Variants in ZNF667 observed in about 807,000 individuals in gnomAD.
The protein encoded by ZNF667 is zinc finger protein 667.
A neutral mutation model predicts 31.8 loss-of-function variants in ZNF667; 13 were observed. That is an observed-to-expected ratio of 0.41 (90% CI 0.27 to 0.65). The LOEUF (loss-of-function observed/expected upper bound fraction) is 0.65. ZNF667 is among the 30% of genes least tolerant of loss of function. The pLI is 0.32. For missense variants in ZNF667, 642 were observed against 725.6 expected (o/e 0.88, Z 1.32); for synonymous variants, 228 against 247.1 (o/e 0.92, Z 0.73).
At chr19:56,459,257 T>C (rs2042994911) in intron 5 of ZNF667, among the ~76,000 whole-genome samples, 1 of 152,216 alleles carries the variant, frequency 6.6e-6, no homozygotes, top group Admixed American at 6.5e-5. Flanking sequence ...TTCCTGAGAA[T>C]TGAGTCAGAA....
intron 6 of ZNF667, chr19:56,444,109 A>G (rs2042673953): frequency 2.5e-6 from 1 of 397,214 alleles, no homozygotes; most frequent in African/African-American, 2.1e-5. Context: ...TTAAATACAT[A>G]TATTACTAAA....
At chr19:56,454,760 C>G in intron 6 of ZNF667, among the ~76,000 whole-genome samples, 1 of 148,734 alleles carries the variant, frequency 6.7e-6, no homozygotes, top group Non-Finnish European at 1.5e-5. Flanking sequence ...GGACATTGGT[C>G]TGGGCAAATA....
At chr19:56,473,646 G>A (rs2043340354) in intron 2 of ZNF667, among the ~76,000 whole-genome samples, 1 of 152,122 alleles carries the variant, frequency 6.6e-6, no homozygotes, top group Non-Finnish European at 1.5e-5. Context: ...AGTGAGTGGA[G>A]GCCAGGGATG....
At chr19:56,460,556 G>T in intron 5 of ZNF667, 133 bp downstream of exon 5, 1 of 988,440 alleles carries the variant, frequency 1.0e-6, no homozygotes, top group Non-Finnish European at 1.4e-6. Flanking sequence ...GAATTGTATA[G>T]TATGTGAATT....
intron 6 of ZNF667, among the ~76,000 whole-genome samples, chr19:56,447,855 TA>T (rs1196233868): frequency 2.0e-5 from 3 of 152,100 alleles, no homozygotes; most frequent in Non-Finnish European, 4.4e-5. Context: ...CACTCCAGCC[TA>T]GGTGACAGAG....
At chr19:56,455,066 A>G (rs1459253012) in intron 6 of ZNF667, among the ~76,000 whole-genome samples, 1 of 152,246 alleles carries the variant, frequency 6.6e-6, no homozygotes, top group East Asian at 1.9e-4. Flanking sequence ...GCAAACAGGC[A>G]TATGAGAAAG....
chr19:56,471,130 T>C (rs376177404), intron 3 of ZNF667, among the ~76,000 whole-genome samples: 8 of 152,004 alleles, frequency 5.3e-5, no homozygotes, highest in East Asian at 3.9e-4. Flanking sequence ...TCTCACGAGA[T>C]CCAGTTGTTT....
chr19:56,460,991 A>G (rs1019933863), intron 4 of ZNF667, among the ~76,000 whole-genome samples, 176 bp from the exon 5 acceptor site: 2 of 152,228 alleles, frequency 1.3e-5, no homozygotes, highest in Admixed American at 6.5e-5. Context: ...ATAAAATACA[A>G]TATAAGACAT....
chr19:56,455,580 C>T (rs2042914247), intron 6 of ZNF667, among the ~76,000 whole-genome samples: 1 of 152,122 alleles, frequency 6.6e-6, no homozygotes, highest in African/African-American at 2.4e-5. Context: ...AACAATTGAA[C>T]TCATGGATAT....
rs989923576 is a variant in ZNF667 at position 56,471,429 on chromosome 19, G to A, written c.-60+270C>T. Reference sequence around the variant, plus strand: ...ACCTGGCATGGGGCTGAATGGCTTGGGTGAGCCAGCTCCAGCACACCACTG... The same window carrying A: ...ACCTGGCATGGGGCTGAATGGCTTGAGTGAGCCAGCTCCAGCACACCACTG... On this transcript the variant is annotated intron_variant, in intron 3 of 6. Coordinates refer to ENST00000504904, the MANE Select transcript of ZNF667 (RefSeq NM_001321356.2). 3.9e-5 allele frequency among the ~76,000 whole-genome samples: 6 copies of A among 152,304 alleles called. No homozygotes were observed. The South Asian group carries it at 1.2e-3, about 32-fold the overall frequency.
intron 3 of ZNF667, among the ~76,000 whole-genome samples, chr19:56,464,407 T>C (rs545197317): frequency 3.3e-5 from 5 of 152,126 alleles, no homozygotes; most frequent in Admixed American, 6.5e-5. Flanking sequence ...GATGGGAGGA[T>C]TGCTTGAGCC....
chr19:56,473,355 C>T (rs1199700210), intron 2 of ZNF667, among the ~76,000 whole-genome samples: 1 of 151,976 alleles, frequency 6.6e-6, no homozygotes, highest in Non-Finnish European at 1.5e-5. Context: ...AGTCAAAATA[C>T]GTAACACATT....
At chr19:56,462,530 C>G (rs979465486) in intron 3 of ZNF667, 101 bp from the exon 4 acceptor site, 1 of 748,552 alleles carries the variant, frequency 1.3e-6, no homozygotes, top group Non-Finnish European at 2.4e-6. Flanking sequence ...CACATATGCA[C>G]GTGCACACAC....
At chr19:56,475,050 C>G (rs1457685211) in intron 1 of ZNF667, 2 of 152,140 alleles carry the variant, frequency 1.3e-5, no homozygotes, top group Non-Finnish European at 2.9e-5. Flanking sequence ...GCTGGTGGTC[C>G]TTCCTGGCTC....
At position 56,470,792 on chromosome 19, in the gene ZNF667, G is replaced by A. The variant is rs569368203; in HGVS notation, c.-60+907C>T. 1.4e-4 allele frequency among the ~76,000 whole-genome samples: 21 copies of A among 152,330 alleles called. No individual in the cohort carries two copies. The South Asian group carries it at 1.9e-3, about 14-fold the overall frequency. ...GCCTTCGATTCTGACTTTTCTGAGC[G>A]AGGTTTCCTTCGTACAGAGATGGGG... On this transcript the variant is annotated intron_variant, in intron 3 of 6. Coordinates refer to ENST00000504904, the MANE Select transcript of ZNF667 (RefSeq NM_001321356.2).
intron 3 of ZNF667, among the ~76,000 whole-genome samples, chr19:56,467,491 C>T (rs1027632584): frequency 6.6e-6 from 1 of 152,140 alleles, no homozygotes; most frequent in Non-Finnish European, 1.5e-5. Flanking sequence ...TGCAGCGGCC[C>T]CAGCTGGGTG....
At chr19:56,462,517 G>GCACACATATGCACGTGCACACA in intron 3 of ZNF667, 88 bp from the exon 4 acceptor site, 1 of 795,934 alleles carries the variant, frequency 1.3e-6, no homozygotes, top group Non-Finnish European at 2.2e-6. Flanking sequence ...AGACACACAT[G>GCACACATATGCACGTGCACACA]CACACATATG....
At chr19:56,463,393 C>G (rs1251321816) in intron 3 of ZNF667, among the ~76,000 whole-genome samples, 1 of 151,998 alleles carries the variant, frequency 6.6e-6, no homozygotes, top group African/African-American at 2.4e-5. Flanking sequence ...CAAGAGGGCC[C>G]CTCTATCCAC....
chr19:56,476,627 C>A (rs956397505), intron 1 of ZNF667, among the ~76,000 whole-genome samples: 4 of 152,174 alleles, frequency 2.6e-5, no homozygotes, highest in African/African-American at 9.7e-5. Flanking sequence ...GAAAGTCATG[C>A]ACAATTAAAC....
Sources: gnomAD v4.1 joint callset for allele counts (sites outside exome capture counted in the v4.1 genomes callset) on GRCh38, gnomAD v4.1.1 for gene constraint, MANE v1.5 for transcripts, NCBI Gene and HGNC (gene_info 2026-07-23, HGNC 2026-07-21) for gene names.